ZNF717: variants seen among roughly 807,000 people sequenced by gnomAD.
The protein encoded by ZNF717 is krueppel-like factor X17.
In ZNF717, 9 loss-of-function variants were observed where a neutral mutation model predicts 13.8. The observed-to-expected ratio is 0.65, with a 90% CI of 0.39 to 1.14. ZNF717 has a LOEUF of 1.14. Among genes scored for constraint, ZNF717 ranks in the 50% most tolerant of loss-of-function variants. ZNF717 has a pLI of 0.01. For missense variants in ZNF717, 1,040 were observed against 1,080.7 expected, an observed-to-expected ratio of 0.96 and a Z score of 0.53; for synonymous variants, 327 against 364.1, an observed-to-expected ratio of 0.90 and a Z score of 1.16.
intron 4 of ZNF717, among the ~76,000 whole-genome samples, chr3:75,741,001 G>C (rs1400409950): frequency 6.6e-6 from 1 of 152,116 alleles, no homozygotes; most frequent in Admixed American, 6.6e-5. Context: ...GAGGAAAAGG[G>C]GGAAACAGAG....
At chr3:75,754,484 T>C (rs1466107991) in intron 2 of ZNF717, among the ~76,000 whole-genome samples, 1 of 152,044 alleles carries the variant, frequency 6.6e-6, no homozygotes, top group Non-Finnish European at 1.5e-5. Context: ...CTAGACAGCA[T>C]TCAACTGTAG....
At chr3:75,723,248 CT>C (rs112455865) in intron 4 of ZNF717, among the ~76,000 whole-genome samples, 14,485 of 88,232 alleles carry the variant, frequency 0.16, 885 homozygotes, top group Admixed American at 0.2. Flanking sequence ...GACAATCTCA[CT>C]TTTTTTTTTT....
At chr3:75,754,388 G>C (rs1032362319) in intron 2 of ZNF717, among the ~76,000 whole-genome samples, 1 of 152,054 alleles carries the variant, frequency 6.6e-6, no homozygotes, top group African/African-American at 2.4e-5. Flanking sequence ...TAGCAACAGA[G>C]CAAGCTTCAG....
At chr3:75,735,648 AAAAAAAAAAGCAAC>A (rs1384465469), downstream of ZNF717, among the ~76,000 whole-genome samples, 348 of 47,204 alleles carry the variant, frequency 7.4e-3, no homozygotes, top group African/African-American at 0.017. Flanking sequence ...AAAAAAAAAA[AAAAAAAAAAGCAAC>A]GAGAGGAAAC....
intron 2 of ZNF717, among the ~76,000 whole-genome samples, chr3:75,747,558 C>A (rs1239476372): frequency 6.6e-6 from 1 of 152,064 alleles, no homozygotes; most frequent in African/African-American, 2.4e-5. Context: ...TGCAGTTCTC[C>A]TTGAAGACCT....
At chr3:75,704,837 G>A (rs1937770096), downstream of ZNF717, among the ~76,000 whole-genome samples, 1 of 152,420 alleles carries the variant, frequency 6.6e-6, no homozygotes, top group African/African-American at 2.4e-5. Flanking sequence ...TGTTTAATTT[G>A]CCACTGGTCC....
At chr3:75,770,611 G>C (rs1166049001) in intron 2 of ZNF717, among the ~76,000 whole-genome samples, 1 of 152,112 alleles carries the variant, frequency 6.6e-6, no homozygotes, top group Non-Finnish European at 1.5e-5. Context: ...AAGTAACAGG[G>C]CTTGACACCA....
intron 4 of ZNF717, among the ~76,000 whole-genome samples, chr3:75,722,475 T>C (rs2106868072): frequency 6.6e-6 from 1 of 152,058 alleles, no homozygotes; most frequent in East Asian, 1.9e-4. Context: ...GTGAAGAAAA[T>C]AGTGCCCCAC....
rs1575769665 is a variant in ZNF717, at chr3:75,738,833, A to T, written c.790T>A (p.Cys264Ser). The T allele has an allele frequency of 6.4e-7, 1 of 1,551,746 alleles. No homozygotes were observed. Among genetic ancestry groups the T allele is most frequent in the Non-Finnish European group, 8.7e-7 (1 of 1,147,138 alleles). Residue 264 changes from cysteine (C) to serine (S), a missense_variant, in exon 5 of 5, where the codon TGC becomes AGC. This residue lies in a region of ZNF717 where 873 missense variants were observed against 832.8 expected (regional missense o/e 1.05). Transcript: ENST00000652011. ...QVITQVGQPTCCRKSDFTKHQ... is the reference protein window; with the variant it reads ...QVITQVGQPTSCRKSDFTKHQ... ...TTAGTGAAGTCAGACTTTCTACAGCAAGTTGGCTGTCCTACCTGAGTTATC... is the reference window on the plus strand; with the variant it reads ...TTAGTGAAGTCAGACTTTCTACAGCTAGTTGGCTGTCCTACCTGAGTTATC...
In ZNF717 at chr3:75,736,713, A is replaced by G. The variant is rs1939277462; in HGVS notation, c.*165T>C. On this transcript the variant is annotated 3_prime_UTR_variant, in exon 5 of 5. Coordinates refer to ENST00000652011, the MANE Select transcript of ZNF717 (RefSeq NM_001290208.3). ...GACATTAAAGTGCAAAGTGTGCTGT[A>G]AAAATGGGAACAACAAAGCCTGCAT... is the stretch of plus-strand genomic sequence containing the variant. 4 of 691,044 alleles carry G rather than the reference A, an allele frequency of 5.8e-6. No homozygotes were observed. Among genetic ancestry groups the G allele is most frequent in the Middle Eastern group, 4.1e-4 (1 of 2,422 alleles). The allele number at this position is 691,044 out of a possible 1,614,324, so 42.8% of individuals were successfully genotyped here.
At chr3:75,770,464 G>A (rs1943799274) in intron 2 of ZNF717, among the ~76,000 whole-genome samples, 1 of 152,196 alleles carries the variant, frequency 6.6e-6, no homozygotes, top group South Asian at 2.1e-4. Flanking sequence ...GGAGACTGAG[G>A]CAGGAGAATT....
chr3:75,741,125 C>T lies in ZNF717; in HGVS notation c.277+151G>A, dbSNP rs2218076. ...GACTGGGATATATGCATGAGAGTTA[C>T]CCCTGGGGACTATATAATGCACATT... On this transcript the variant is annotated intron_variant, in intron 4 of 4. Coordinates refer to ENST00000652011, the MANE Select transcript of ZNF717 (RefSeq NM_001290208.3). 1,146 of 605,844 alleles carry T rather than the reference C, an allele frequency of 1.9e-3. 8 individuals carry two copies. The African/African-American group carries it at 0.02, about 11-fold the overall frequency. The allele number at this position is 605,844 out of a possible 1,614,324, so 37.5% of individuals were successfully genotyped here.
At chr3:75,727,829 T>C (rs1322518193), downstream of ZNF717, among the ~76,000 whole-genome samples, 1 of 152,206 alleles carries the variant, frequency 6.6e-6, no homozygotes, top group Non-Finnish European at 1.5e-5. Flanking sequence ...CCCCTCCCCT[T>C]TCAAAATCCC....
intron 2 of ZNF717, among the ~76,000 whole-genome samples, chr3:75,746,045 C>G (rs1454185738): frequency 6.6e-6 from 1 of 152,048 alleles, no homozygotes; most frequent in East Asian, 1.9e-4. Flanking sequence ...CACAACAAGC[C>G]CCGGTGTGTG....
chr3:75,713,272 T>A (rs1210860930), intron 5 of ZNF717, among the ~76,000 whole-genome samples: 1 of 152,048 alleles, frequency 6.6e-6, no homozygotes, highest in Non-Finnish European at 1.5e-5. Context: ...CACCTCAGCC[T>A]CCCCAGTAGC....
chr3:75,781,858 T>G (rs1480297843), intron 2 of ZNF717, among the ~76,000 whole-genome samples: 1 of 152,180 alleles, frequency 6.6e-6, no homozygotes, highest in East Asian at 1.9e-4. Context: ...TGTGGTGAAT[T>G]TAAAGCCCCT....
At position 75,784,130 on chromosome 3, in the gene ZNF717, C is replaced by T. The variant is rs575698266; in HGVS notation, c.-2-766G>A. The stretch of plus-strand genomic sequence containing the variant: ...GGCCTAGCCAAGAGTCACCACAAAC[C>T]GCCAGATTGTGAAGGAAACTATCTT... On this transcript the variant is annotated intron_variant, in intron 1 of 4. Coordinates refer to ENST00000652011, the MANE Select transcript of ZNF717 (RefSeq NM_001290208.3). 1.6e-4 allele frequency among the ~76,000 whole-genome samples: 25 copies of T among 152,260 alleles called. No individual in the cohort carries two copies. In the East Asian group the frequency reaches 2.3e-3, roughly 14 times the overall value.
At position 75,737,605 on chromosome 3, in the gene ZNF717, T is replaced by C. The variant is rs1939521157; in HGVS notation, c.2018A>G (p.Asn673Ser). Reference protein sequence around the residue: ...TIHQRTHTGKNRMDVMNVEKL... With the variant: ...TIHQRTHTGKSRMDVMNVEKL... Reference sequence around the variant, plus strand: ...TTCCACATTCATTACATCCATACGGTTTTTCCCCGTGTGAGTTCTCTGGTG... The same window carrying C: ...TTCCACATTCATTACATCCATACGGCTTTTCCCCGTGTGAGTTCTCTGGTG... Residue 673 changes from asparagine (N) to serine (S), a missense_variant, in exon 5 of 5, where the codon AAC becomes AGC. Asn to Ser is a conservative substitution (Grantham distance 46). Around this residue, in one of 3 missense-constraint regions of ZNF717, gnomAD observed 873 missense variants for 832.8 expected, o/e 1.05. Transcript: ENST00000652011. 6.5e-7 allele frequency: 1 copy of C among 1,543,960 alleles called. No individual in the cohort carries two copies. Among genetic ancestry groups the C allele is most frequent in the Non-Finnish European group, 8.8e-7 (1 of 1,141,756 alleles).
At chr3:75,720,288 T>C (rs1238136663) in intron 4 of ZNF717, among the ~76,000 whole-genome samples, 9 of 152,268 alleles carry the variant, frequency 5.9e-5, no homozygotes, top group Admixed American at 2.6e-4. Flanking sequence ...ATGTACACCA[T>C]GGAATACTAT....
Sources: gnomAD v4.1 joint callset for allele counts (sites outside exome capture counted in the v4.1 genomes callset) on GRCh38, gnomAD v4.1.1 for gene constraint, gnomAD v4.1.1 regional missense constraint, MANE v1.5 for transcripts, NCBI Gene and HGNC (gene_info 2026-07-23, HGNC 2026-07-21) for gene names.